The following ZFAND6 variants were observed in gnomAD, a reference collection of about 807,000 sequenced individuals.
The protein encoded by ZFAND6 is zinc finger AN1-type containing 6, also known as AN1-type zinc finger protein 6.
A neutral mutation model predicts 24.5 loss-of-function variants in ZFAND6; 12 were observed. The ratio of observed to expected loss-of-function variants is 0.49; its 90% confidence interval spans 0.31 to 0.79. The LOEUF (loss-of-function observed/expected upper bound fraction) is 0.79. Among genes scored for constraint, ZFAND6 ranks in the 30% least tolerant of loss-of-function variants. The probability of loss-of-function intolerance (pLI) is 0.04; values close to 1 mark genes in which losing one functional copy is unlikely to be tolerated. For synonymous variants in ZFAND6, 92 were observed against 81.5 expected, an observed-to-expected ratio of 1.13 and a Z score of -0.69; for missense variants, 207 against 245.9, an observed-to-expected ratio of 0.84 and a Z score of 1.06.
intron 1 of ZFAND6, among the ~76,000 whole-genome samples, chr15:80,088,619 A>G (rs2038150936): frequency 6.6e-6 from 1 of 152,174 alleles, no homozygotes; most frequent in Non-Finnish European, 1.5e-5. Flanking sequence ...TATTGTTACC[A>G]TTGACATAAT....
intron 1 of ZFAND6, chr15:80,060,042 C>A (rs563710261): frequency 4.0e-5 from 6 of 150,616 alleles, no homozygotes; most frequent in African/African-American, 1.5e-4. Flanking sequence ...TCGGCGGGTT[C>A]ACCTCAGACG....
At chr15:80,107,040 C>G (rs191953773) in intron 2 of ZFAND6, among the ~76,000 whole-genome samples, 17 of 152,018 alleles carry the variant, frequency 1.1e-4, no homozygotes, top group African/African-American at 4.1e-4. Flanking sequence ...TGGTGAAACC[C>G]CGTCTCTACT....
intron 1 of ZFAND6, among the ~76,000 whole-genome samples, chr15:80,086,912 A>G (rs2038041034): frequency 6.6e-6 from 1 of 152,212 alleles, no homozygotes; most frequent in African/African-American, 2.4e-5. Flanking sequence ...GAATCATACA[A>G]TATCTGTCCT....
intron 2 of ZFAND6, among the ~76,000 whole-genome samples, chr15:80,109,223 A>G (rs1356714586): frequency 1.3e-5 from 2 of 152,124 alleles, no homozygotes; most frequent in African/African-American, 2.4e-5. Flanking sequence ...CATTCAATCA[A>G]TATTGAATGC....
intron 2 of ZFAND6, among the ~76,000 whole-genome samples, chr15:80,110,168 T>G (rs1412341171): frequency 6.6e-6 from 1 of 152,188 alleles, no homozygotes; most frequent in Non-Finnish European, 1.5e-5. Context: ...ATGCCATTAC[T>G]TCCATGGTAT....
At chr15:80,129,449 A>G (rs2142044817) in intron 5 of ZFAND6, among the ~76,000 whole-genome samples, 1 of 152,340 alleles carries the variant, frequency 6.6e-6, no homozygotes, top group Non-Finnish European at 1.5e-5. Flanking sequence ...CAAATGTCTG[A>G]GCATGTATTA....
chr15:80,065,551 T>C (rs1386986609), intron 1 of ZFAND6, among the ~76,000 whole-genome samples: 2 of 142,712 alleles, frequency 1.4e-5, no homozygotes, highest in Non-Finnish European at 3.0e-5. Flanking sequence ...TTTTTTTTTT[T>C]TTTTTTTTTT....
chr15:80,116,123 C>T (rs780354702), intron 2 of ZFAND6, among the ~76,000 whole-genome samples: 6 of 151,218 alleles, frequency 4.0e-5, no homozygotes, highest in African/African-American at 7.3e-5. Flanking sequence ...TTAAGTGGCC[C>T]CCACCTCCAG....
intron 2 of ZFAND6, 36 bp from the exon 3 acceptor site, chr15:80,120,292 T>A (rs991078348): frequency 6.9e-7 from 1 of 1,441,880 alleles, no homozygotes; most frequent in Non-Finnish European, 9.2e-7. Context: ...GGAAGTTACG[T>A]GTCTGAGTTC....
At chr15:80,064,374 C>T (rs899125687) in intron 1 of ZFAND6, among the ~76,000 whole-genome samples, 1 of 152,162 alleles carries the variant, frequency 6.6e-6, no homozygotes, top group Non-Finnish European at 1.5e-5. Flanking sequence ...TCCATCTACC[C>T]TCCATCTTTC....
At chr15:80,068,408 G>T (rs531572910) in intron 1 of ZFAND6, among the ~76,000 whole-genome samples, 1 of 151,660 alleles carries the variant, frequency 6.6e-6, no homozygotes, top group Admixed American at 6.6e-5. Context: ...GTCTCGCTCT[G>T]TTGCCCAGGC....
intron 1 of ZFAND6, among the ~76,000 whole-genome samples, chr15:80,084,359 G>C (rs2037864881): frequency 6.6e-6 from 1 of 152,206 alleles, no homozygotes; most frequent in Admixed American, 6.5e-5. Context: ...GATTAGGGAT[G>C]CTCAACTGTT....
At chr15:80,135,845 G>A (rs1488646014) in intron 6 of ZFAND6, among the ~76,000 whole-genome samples, 1 of 151,886 alleles carries the variant, frequency 6.6e-6, no homozygotes, top group Non-Finnish European at 1.5e-5. Context: ...TACAAACATG[G>A]CCCAGTGCAG....
chr15:80,126,502 A>T (rs939283847), intron 5 of ZFAND6, among the ~76,000 whole-genome samples: 2 of 152,232 alleles, frequency 1.3e-5, no homozygotes, highest in African/African-American at 2.4e-5. Flanking sequence ...TTTATGGGCC[A>T]TTGACTTTCA....
intron 2 of ZFAND6, among the ~76,000 whole-genome samples, chr15:80,105,186 A>T (rs1403452991): frequency 6.6e-6 from 1 of 152,256 alleles, no homozygotes; most frequent in African/African-American, 2.4e-5. Flanking sequence ...ATTGAGCGTA[A>T]GCACATAGTA....
intron 1 of ZFAND6, among the ~76,000 whole-genome samples, chr15:80,078,345 A>C (rs1206579577): frequency 1.3e-5 from 2 of 152,176 alleles, no homozygotes; most frequent in South Asian, 2.1e-4. Context: ...CACTTAGGAT[A>C]ATGGCCTCCA....
chr15:80,087,304 C>T (rs1344491670), intron 1 of ZFAND6, among the ~76,000 whole-genome samples: 2 of 152,186 alleles, frequency 1.3e-5, no homozygotes, highest in Non-Finnish European at 2.9e-5. Context: ...TTTCTCTTCA[C>T]CCTCATCAAA....
chr15:80,132,397 C>T (rs2142055969), intron 6 of ZFAND6, among the ~76,000 whole-genome samples: 1 of 152,194 alleles, frequency 6.6e-6, no homozygotes, highest in Non-Finnish European at 1.5e-5. Flanking sequence ...TCAAAACTTG[C>T]CTATACAATA....
intron 5 of ZFAND6, among the ~76,000 whole-genome samples, chr15:80,128,375 C>T (rs1470313321): frequency 6.6e-6 from 1 of 152,138 alleles, no homozygotes; most frequent in Non-Finnish European, 1.5e-5. Flanking sequence ...TGGAGGATGA[C>T]TTGTGAGTGC....
Sources: gnomAD v4.1 joint callset for allele counts (sites outside exome capture counted in the v4.1 genomes callset) on GRCh38, gnomAD v4.1.1 for gene constraint, MANE v1.5 for transcripts, NCBI Gene and HGNC (gene_info 2026-07-23, HGNC 2026-07-21) for gene names.